PDE7B: variants seen among roughly 807,000 people sequenced by gnomAD.
PDE7B encodes 3',5'-cyclic-AMP phosphodiesterase 7B.
In PDE7B, 29 loss-of-function variants were observed where a neutral mutation model predicts 56.2. The ratio of observed to expected loss-of-function variants is 0.52; its 90% confidence interval spans 0.38 to 0.70. PDE7B has a LOEUF of 0.70. Ranked by LOEUF, PDE7B falls within the 30% of genes least tolerant of loss-of-function variation. PDE7B has a pLI of 0.00. For synonymous variants in PDE7B, 197 were observed against 196.9 expected (o/e 1.00, Z 0.00); for missense variants, 490 against 565.0 (o/e 0.87, Z 1.35).
intron 3 of PDE7B, among the ~76,000 whole-genome samples, chr6:136,114,531 T>A (rs1777800555): frequency 6.6e-6 from 1 of 152,214 alleles, no homozygotes; most frequent in Non-Finnish European, 1.5e-5. Context: ...ACAGTTTCCT[T>A]CCAGACTCCA....
intron 8 of PDE7B, among the ~76,000 whole-genome samples, chr6:136,168,350 G>A (rs755454364): frequency 4.6e-5 from 7 of 152,104 alleles, no homozygotes; most frequent in Admixed American, 2.0e-4. Flanking sequence ...ACAGGGATCC[G>A]TTGTGGGGTT....
intron 2 of PDE7B, among the ~76,000 whole-genome samples, chr6:136,048,528 G>A (rs1776561515): frequency 6.6e-6 from 1 of 152,134 alleles, no homozygotes; most frequent in Admixed American, 6.5e-5. Flanking sequence ...GGAAGGCCAA[G>A]TTATGGGGTA....
chr6:136,186,861 A>T (rs1354990511), intron 11 of PDE7B, among the ~76,000 whole-genome samples, 175 bp from the exon 12 acceptor site: 1 of 152,226 alleles, frequency 6.6e-6, no homozygotes, highest in Non-Finnish European at 1.5e-5. Flanking sequence ...ATTTTTACGG[A>T]AACTACTGAA....
chr6:136,015,208 C>T (rs975622484), intron 2 of PDE7B, among the ~76,000 whole-genome samples: 2 of 152,212 alleles, frequency 1.3e-5, no homozygotes, highest in Non-Finnish European at 2.9e-5. Flanking sequence ...CAGCAAACCA[C>T]AACAGACGTC....
At chr6:135,936,459 T>G (rs1774422921) in intron 1 of PDE7B, among the ~76,000 whole-genome samples, 1 of 152,158 alleles carries the variant, frequency 6.6e-6, no homozygotes, top group Admixed American at 6.5e-5. Flanking sequence ...TTAACAAGTG[T>G]GAGTACATAT....
At chr6:136,020,169 G>C (rs558458556) in intron 2 of PDE7B, among the ~76,000 whole-genome samples, 1 of 152,206 alleles carries the variant, frequency 6.6e-6, no homozygotes, top group African/African-American at 2.4e-5. Context: ...CCTCATGCCT[G>C]GTTTTCTTAG....
At chr6:135,903,954 ATAGATT>A (rs563868260) in intron 1 of PDE7B, among the ~76,000 whole-genome samples, 177 of 152,302 alleles carry the variant, frequency 1.2e-3, no homozygotes, top group African/African-American at 3.9e-3. Context: ...AAAATGCAAT[ATAGATT>A]TAGAGTTGCT....
intron 1 of PDE7B, among the ~76,000 whole-genome samples, chr6:135,904,247 TA>T (rs762143792): frequency 3.9e-5 from 6 of 152,224 alleles, no homozygotes; most frequent in Non-Finnish European, 5.9e-5. Flanking sequence ...TCAGAATAAG[TA>T]AATATCTCCA....
chr6:136,040,444 C>T (rs368448197), intron 2 of PDE7B, among the ~76,000 whole-genome samples: 8 of 152,184 alleles, frequency 5.3e-5, no homozygotes, highest in African/African-American at 1.7e-4. Flanking sequence ...CTGTCTCTTA[C>T]CTTCTTCCTT....
At chr6:136,016,517 C>T (rs1775980432) in intron 2 of PDE7B, among the ~76,000 whole-genome samples, 1 of 152,226 alleles carries the variant, frequency 6.6e-6, no homozygotes, top group Admixed American at 6.5e-5. Flanking sequence ...CTCGCTACAA[C>T]TCTGGAGAGG....
intron 2 of PDE7B, among the ~76,000 whole-genome samples, chr6:136,066,348 G>A (rs550651041): frequency 2.0e-5 from 3 of 152,314 alleles, no homozygotes; most frequent in Non-Finnish European, 4.4e-5. Context: ...TGGTCTCAGA[G>A]TAGATAGGAG....
chr6:136,185,813 A>G (rs906975919), intron 11 of PDE7B, among the ~76,000 whole-genome samples: 1 of 152,110 alleles, frequency 6.6e-6, no homozygotes, highest in Non-Finnish European at 1.5e-5. Flanking sequence ...AAATGCTTAG[A>G]ACGTGCCTGG....
chr6:136,167,007 C>T (rs527388942), intron 8 of PDE7B, among the ~76,000 whole-genome samples: 1 of 152,250 alleles, frequency 6.6e-6, no homozygotes, highest in Non-Finnish European at 1.5e-5. Flanking sequence ...TGTGCATTGA[C>T]CTCACAGCTG....
intron 2 of PDE7B, among the ~76,000 whole-genome samples, chr6:136,069,585 A>G (rs1777010774): frequency 6.6e-6 from 1 of 152,234 alleles, no homozygotes; most frequent in African/African-American, 2.4e-5. Flanking sequence ...GTTATTGCCT[A>G]TTTTAAATTT....
At chr6:135,908,060 A>T (rs142875521) in intron 1 of PDE7B, among the ~76,000 whole-genome samples, 3 of 151,810 alleles carry the variant, frequency 2.0e-5, no homozygotes, top group African/African-American at 4.8e-5. Context: ...GTGGAGTATT[A>T]TGAAGAAACA....
intron 1 of PDE7B, among the ~76,000 whole-genome samples, chr6:135,870,122 G>T (rs556721573): frequency 6.6e-6 from 1 of 152,182 alleles, no homozygotes; most frequent in Non-Finnish European, 1.5e-5. Context: ...CAGCTGGTGG[G>T]TGTTGTAGGC....
intron 2 of PDE7B, among the ~76,000 whole-genome samples, chr6:136,010,055 C>A (rs996043161): frequency 1.3e-5 from 2 of 152,158 alleles, no homozygotes; most frequent in Non-Finnish European, 2.9e-5. Flanking sequence ...AATTTGAGAT[C>A]TTTCTAACTT....
At chr6:136,060,435 A>G (rs1221336696) in intron 2 of PDE7B, among the ~76,000 whole-genome samples, 1 of 152,222 alleles carries the variant, frequency 6.6e-6, no homozygotes, top group African/African-American at 2.4e-5. Flanking sequence ...TGTAAGTAAG[A>G]ACCTAAAATC....
rs1385848633 is a variant in PDE7B at position 135,979,513 on chromosome 6, C to A, written c.82+31989C>A. Among the ~76,000 whole-genome samples, 737 of 151,408 alleles carry A rather than the reference C, an allele frequency of 4.9e-3. 4 individuals carry two copies. Among genetic ancestry groups the A allele is most frequent in the African/African-American group, 0.017 (698 of 40,978 alleles). Reference sequence around the variant, plus strand: ...CTGTGAATCCATCTGGTCCTGGACTCTTTTTGGTTGGTAAGCTATTGATTA... The same window carrying A: ...CTGTGAATCCATCTGGTCCTGGACTATTTTTGGTTGGTAAGCTATTGATTA... On this transcript the variant is annotated intron_variant, in intron 2 of 12. Transcript: ENST00000308191.
Sources: allele counts gnomAD v4.1 joint callset (sites outside exome capture counted in the v4.1 genomes callset), GRCh38; gene constraint gnomAD v4.1.1; transcripts MANE v1.5; gene names NCBI Gene and HGNC (gene_info 2026-07-23, HGNC 2026-07-21).